The following PPP1R12B variants were observed in gnomAD, a reference collection of about 807,000 sequenced individuals.
PPP1R12B encodes myosin phosphatase target subunit 2.
PPP1R12B carries 76 observed loss-of-function variants against 126.1 expected under a neutral mutation model. The observed-to-expected ratio is 0.60, with a 90% CI of 0.50 to 0.73. The LOEUF is 0.73. Ranked by LOEUF, PPP1R12B falls within the 30% of genes least tolerant of loss-of-function variation. The probability of loss-of-function intolerance (pLI) is 0.00; values close to 1 mark genes in which losing one functional copy is unlikely to be tolerated. For missense variants in PPP1R12B, 1,052 were observed against 1,205.1 expected (o/e 0.87, Z 1.88); for synonymous variants, 356 against 434.7 (o/e 0.82, Z 2.25).
At position 202,584,450 on chromosome 1, in the gene PPP1R12B, A is replaced by AAAC. The variant is rs1689707023; in HGVS notation, c.*3891_*3893dup. On this transcript the variant is annotated 3_prime_UTR_variant, in exon 24 of 24. Transcript: ENST00000608999. ...CTGTGGATCCCACGAAAGTGTGTGT[A>AAAC]AACTACTGACTGTTTCTCCACTAGA... is the stretch of plus-strand genomic sequence containing the variant. The AAAC allele has an allele frequency of 6.6e-6, 1 of 152,246 alleles. No individual in the cohort carries two copies. The highest frequency in any genetic ancestry group is 1.5e-5 in the Non-Finnish European group (1 of 68,038). The allele number at this position is 152,246 out of a possible 1,614,324, so 9.4% of individuals were successfully genotyped here. A position where few individuals can be genotyped will look rare whatever the true frequency, so the allele number is the denominator to read the frequency against.
intron 10 of PPP1R12B, chr1:202,438,301 T>A: frequency 1.3e-6 from 2 of 1,501,432 alleles, no homozygotes; most frequent in Non-Finnish European, 1.8e-6. Context: ...AAAAAATGGA[T>A]CAGCAACATA....
chr1:202,509,215 T>C (rs1217005239), intron 18 of PPP1R12B, among the ~76,000 whole-genome samples: 1 of 152,236 alleles, frequency 6.6e-6, no homozygotes, highest in Non-Finnish European at 1.5e-5. Flanking sequence ...CCCGATTCTT[T>C]GTTATCAGCA....
chr1:202,413,611 C>T lies in PPP1R12B; in HGVS notation c.292-3176C>T, dbSNP rs2362274. ...GACTTTGTTTGTATTGATTATTATA[C>T]GTTACTAAGAAATTTTTAAAATATG... is the stretch of plus-strand genomic sequence containing the variant. On this transcript the variant is annotated intron_variant, in intron 1 of 23. Coordinates refer to ENST00000608999, the MANE Select transcript of PPP1R12B (RefSeq NM_002481.4). 3.1e-3 allele frequency among the ~76,000 whole-genome samples: 475 copies of T among 152,054 alleles called. 1 individual carries two copies. Among genetic ancestry groups the T allele is most frequent in the Non-Finnish European group, 5.3e-3 (363 of 67,970 alleles).
chr1:202,449,674 G>A lies in PPP1R12B; in HGVS notation c.1850+503G>A, dbSNP rs192022982. On this transcript the variant is annotated intron_variant, in intron 13 of 23. Coordinates refer to ENST00000608999, the MANE Select transcript of PPP1R12B (RefSeq NM_002481.4). ...TGATTATTTAGCATAGACACTTAAC[G>A]CCGTTATGGATTTATTTTTTTTATT... Among the ~76,000 whole-genome samples, 380 of 151,664 alleles carry A rather than the reference G, an allele frequency of 2.5e-3. 3 individuals are homozygous for A. The highest frequency in any genetic ancestry group is 8.9e-3 in the African/African-American group (368 of 41,362).
intron 15 of PPP1R12B, among the ~76,000 whole-genome samples, chr1:202,494,753 A>G (rs1679329739): frequency 6.6e-6 from 1 of 152,050 alleles, no homozygotes; most frequent in Non-Finnish European, 1.5e-5. Context: ...CAACAAAACA[A>G]AACTACAAAA....
rs990766177 is a variant in PPP1R12B, at chr1:202,476,576, G to A, written c.1851-11957G>A. On this transcript the variant is annotated intron_variant, in intron 13 of 23. Transcript: ENST00000608999. ...CACATGCCTGTAGTTCCAGCAACTC[G>A]GGAGGCTGAGGGAGGAGAACTGCTT... Among the ~76,000 whole-genome samples the A allele has an allele frequency of 5.9e-5, 9 of 151,838 alleles. No individual in the cohort carries two copies. In the South Asian group the frequency reaches 8.3e-4, roughly 14 times the overall value.
At chr1:202,418,772 T>C (rs1021774087) in intron 2 of PPP1R12B, among the ~76,000 whole-genome samples, 1 of 152,190 alleles carries the variant, frequency 6.6e-6, no homozygotes, top group Admixed American at 6.5e-5. Context: ...TTTACTGTCA[T>C]CTATTTATTT....
intron 18 of PPP1R12B, among the ~76,000 whole-genome samples, chr1:202,514,247 C>T: frequency 6.6e-6 from 1 of 152,074 alleles, no homozygotes; most frequent in East Asian, 1.9e-4. Flanking sequence ...TGAAAAGTCT[C>T]TGTTCCTGTC....
rs746196914 is a variant in PPP1R12B at position 202,493,125 on chromosome 1, A to C, written c.1953A>C (p.Leu651=). Residue 651 remains leucine (L), a synonymous_variant, in exon 15 of 24, where the codon CTA becomes CTC. Coordinates refer to ENST00000608999, the MANE Select transcript of PPP1R12B (RefSeq NM_002481.4). ...QTRRSTQGVT[L]TDLQEAERTF... ...TGATATTTTCCCAGGGTGTCACCCT[A>C]ACAGACCTTCAAGAAGCAGAAAGGA... 1 of 1,611,970 alleles carries C rather than the reference A, an allele frequency of 6.2e-7. No homozygotes were observed. The highest frequency in any genetic ancestry group is 2.2e-5 in the East Asian group (1 of 44,884).
chr1:202,538,241 C>T (rs1684752113), intron 18 of PPP1R12B, among the ~76,000 whole-genome samples: 2 of 152,190 alleles, frequency 1.3e-5, no homozygotes, highest in Admixed American at 1.3e-4. Context: ...GTGATCCACC[C>T]ACCTTGGCCT....
intron 18 of PPP1R12B, among the ~76,000 whole-genome samples, chr1:202,498,489 A>G (rs1679835409): frequency 1.3e-5 from 2 of 152,240 alleles, no homozygotes; most frequent in African/African-American, 4.8e-5. Context: ...ATGAATCAGC[A>G]TAGGGTGAGG....
intron 13 of PPP1R12B, among the ~76,000 whole-genome samples, chr1:202,459,542 C>CT: frequency 6.6e-6 from 1 of 152,160 alleles, no homozygotes; most frequent in South Asian, 2.1e-4. Context: ...TTTTTCCCCC[C>CT]TGAAAAGCTC....
intron 1 of PPP1R12B, among the ~76,000 whole-genome samples, chr1:202,386,467 G>T (rs1190631308): frequency 2.0e-5 from 3 of 152,014 alleles, no homozygotes; most frequent in African/African-American, 7.2e-5. Flanking sequence ...AAGTAGCTGG[G>T]ACTACAGGTG....
rs751894056 is a variant in PPP1R12B, at chr1:202,488,516, CT to C, written c.1851-9del. ...AGCAAAGATCTTGCTTTTGCTATTA[CT>C]TTTTTTTCTCTGCAGGTCCTATCTG... On this transcript the variant is annotated splice_polypyrimidine_tract_variant and intron_variant, in intron 13 of 23. Coordinates refer to ENST00000608999, the MANE Select transcript of PPP1R12B (RefSeq NM_002481.4). 1.6e-5 allele frequency: 25 copies of C among 1,566,676 alleles called. No homozygotes were observed. Among genetic ancestry groups the C allele is most frequent in the Admixed American group, 3.4e-5 (2 of 57,986 alleles).
At chr1:202,557,600 T>A (rs1687088832) in intron 18 of PPP1R12B, among the ~76,000 whole-genome samples, 1 of 152,190 alleles carries the variant, frequency 6.6e-6, no homozygotes, top group African/African-American at 2.4e-5. Flanking sequence ...AACCTTCGTT[T>A]AGTCCAGCGG....
intron 1 of PPP1R12B, among the ~76,000 whole-genome samples, chr1:202,389,393 C>G (rs1015308775): frequency 6.6e-6 from 1 of 151,972 alleles, no homozygotes; most frequent in Non-Finnish European, 1.5e-5. Context: ...GCCTGTAATC[C>G]CAGCACTTTG....
intron 18 of PPP1R12B, among the ~76,000 whole-genome samples, chr1:202,535,049 GTGTGTA>G (rs1221257457): frequency 1.3e-5 from 2 of 151,034 alleles, no homozygotes; most frequent in Non-Finnish European, 2.9e-5. Context: ...TTATGTGTGT[GTGTGTA>G]TGTGTGTGTG....
intron 11 of PPP1R12B, among the ~76,000 whole-genome samples, chr1:202,442,154 G>A (rs991645200): frequency 6.6e-5 from 10 of 152,136 alleles, no homozygotes; most frequent in Non-Finnish European, 1.3e-4. Flanking sequence ...CAGCTGCAAA[G>A]CACTTTTTAA....
rs147424628 is a variant in PPP1R12B at position 202,500,634 on chromosome 1, G to A, written c.2490+3812G>A. Among the ~76,000 whole-genome samples the A allele has an allele frequency of 2.4e-4, 36 of 152,194 alleles. No homozygotes were observed. In the East Asian group the frequency reaches 6.4e-3, roughly 27 times the overall value. ...TTAACAGATATAAAATTACAGGTAG[G>A]GGGAATAAGTTCTAGTGTTCTATAG... On this transcript the variant is annotated intron_variant, in intron 18 of 23. Coordinates refer to ENST00000608999, the MANE Select transcript of PPP1R12B (RefSeq NM_002481.4).
Sources: gnomAD v4.1 joint callset for allele counts (sites outside exome capture counted in the v4.1 genomes callset) on GRCh38, gnomAD v4.1.1 for gene constraint, MANE v1.5 for transcripts, NCBI Gene and HGNC (gene_info 2026-07-23, HGNC 2026-07-21) for gene names.